Variants in CNTN5 observed in about 807,000 individuals in gnomAD.
CNTN5 encodes the protein contactin-5.
In CNTN5, 77 loss-of-function variants were observed where a neutral mutation model predicts 129.1. The ratio of observed to expected loss-of-function variants is 0.60; its 90% CI spans 0.50 to 0.72. The LOEUF is 0.72. Among genes scored for constraint, CNTN5 ranks in the 30% least tolerant of loss-of-function variants. The probability of loss-of-function intolerance (pLI) is 0.00; values close to 1 mark genes in which losing one functional copy is unlikely to be tolerated. For synonymous variants in CNTN5, 509 were observed against 465.6 expected (o/e 1.09, Z -1.20); for missense variants, 1,478 against 1,328.8 (o/e 1.11, Z -1.75).
chr11:99,490,358 A>G (rs1945988809), intron 2 of CNTN5, among the ~76,000 whole-genome samples: 2 of 152,168 alleles, frequency 1.3e-5, no homozygotes, highest in South Asian at 2.1e-4. Context: ...TAAATTCATT[A>G]TTGAGGGAGA....
intron 21 of CNTN5, among the ~76,000 whole-genome samples, chr11:100,323,636 T>TCC (rs1555069816): frequency 7.9e-6 from 1 of 126,042 alleles, no homozygotes; most frequent in African/African-American, 3.7e-5. Flanking sequence ...TATGTCCTCC[T>TCC]CCCCCCCCCT....
Position 100,357,918 on chromosome 11 carries a change from A to G in CNTN5, c.*1698A>G, listed in dbSNP as rs917198027. 5 of 151,802 alleles carry G rather than the reference A, an allele frequency of 3.3e-5. No homozygotes were observed. The highest frequency in any genetic ancestry group is 4.4e-5 in the Non-Finnish European group (3 of 67,836). 9.4% of individuals were successfully genotyped at this position (151,802 alleles called of 1,614,324 possible). A position where few individuals can be genotyped will look rare whatever the true frequency, so the allele number is the denominator to read the frequency against. ...AAACAAACAAGAAATTAGTTAAAAG[A>G]CTCACTCAATGATATTATAGTAAAT... On this transcript the variant is annotated 3_prime_UTR_variant, in exon 25 of 25. Transcript: ENST00000524871.
chr11:99,624,113 T>G lies in CNTN5; in HGVS notation c.55+67844T>G, dbSNP rs78840182. Reference sequence around the variant, plus strand: ...TTTATCAGCATGTCTCCTCATAGGCTTATTCTCATTACAATAGTTTAATGA... The same window carrying G: ...TTTATCAGCATGTCTCCTCATAGGCGTATTCTCATTACAATAGTTTAATGA... On this transcript the variant is annotated intron_variant, in intron 3 of 24. Transcript: ENST00000524871. Among the ~76,000 whole-genome samples, 442 of 152,244 alleles carry G rather than the reference T, an allele frequency of 2.9e-3. 4 individuals carry two copies. Among genetic ancestry groups the G allele is most frequent in the African/African-American group, 0.01 (419 of 41,556 alleles).
intron 13 of CNTN5, among the ~76,000 whole-genome samples, chr11:100,078,797 CGAT>C (rs1944246454): frequency 2.0e-5 from 3 of 151,874 alleles, no homozygotes; most frequent in South Asian, 2.1e-4. Context: ...ATACTGATGA[CGAT>C]GATGATGGTG....
chr11:99,215,249 T>A (rs1035988898), intron 1 of CNTN5, among the ~76,000 whole-genome samples: 2 of 152,166 alleles, frequency 1.3e-5, no homozygotes, highest in Non-Finnish European at 2.9e-5. Flanking sequence ...AATTTTAGTT[T>A]GTTCCAGTTA....
intron 2 of CNTN5, among the ~76,000 whole-genome samples, chr11:99,426,699 G>A (rs185267365): frequency 1.5e-4 from 23 of 152,206 alleles, no homozygotes; most frequent in Admixed American, 2.6e-4. Flanking sequence ...AGTCTCCTGC[G>A]TCCACGTCTT....
At chr11:99,639,880 T>C (rs1216845734) in intron 3 of CNTN5, among the ~76,000 whole-genome samples, 3 of 152,078 alleles carry the variant, frequency 2.0e-5, no homozygotes, top group Non-Finnish European at 2.9e-5. Flanking sequence ...AGCTTTTGAA[T>C]GCTTTGTTGC....
intron 13 of CNTN5, among the ~76,000 whole-genome samples, chr11:100,146,555 A>C (rs938571144): frequency 1.3e-5 from 2 of 152,120 alleles, no homozygotes; most frequent in Non-Finnish European, 2.9e-5. Flanking sequence ...CTTGGATCTC[A>C]GCTTTTTAGT....
chr11:99,954,696 A>T (rs1200787577), intron 7 of CNTN5, among the ~76,000 whole-genome samples: 1 of 152,250 alleles, frequency 6.6e-6, no homozygotes, highest in Non-Finnish European at 1.5e-5. Context: ...TATAGGAGGA[A>T]GTAAACAGGA....
chr11:100,147,433 C>G (rs1946889105), intron 13 of CNTN5, among the ~76,000 whole-genome samples: 1 of 151,966 alleles, frequency 6.6e-6, no homozygotes, highest in African/African-American at 2.4e-5. Context: ...CTCATGGTAT[C>G]TTGCCTCAGT....
At chr11:99,676,385 A>AT (rs1450423160) in intron 3 of CNTN5, among the ~76,000 whole-genome samples, 1 of 152,234 alleles carries the variant, frequency 6.6e-6, no homozygotes, top group Admixed American at 6.5e-5. Context: ...CCACCTGGTG[A>AT]TAAAAAGCTA....
intron 3 of CNTN5, among the ~76,000 whole-genome samples, chr11:99,721,736 T>G (rs1278537441): frequency 1.3e-5 from 2 of 152,212 alleles, no homozygotes; most frequent in African/African-American, 4.8e-5. Flanking sequence ...ACTATGCCTC[T>G]GACAAAGGTC....
intron 1 of CNTN5, among the ~76,000 whole-genome samples, chr11:99,171,996 A>G (rs1320213055): frequency 1.3e-5 from 2 of 152,178 alleles, no homozygotes; most frequent in African/African-American, 4.8e-5. Context: ...AAAGTGAGCA[A>G]TTTCATTTTG....
intron 3 of CNTN5, among the ~76,000 whole-genome samples, chr11:99,708,437 A>G (rs1954841335): frequency 6.6e-6 from 1 of 151,784 alleles, no homozygotes; most frequent in Non-Finnish European, 1.5e-5. Context: ...TCAATCAGTC[A>G]ACATGAAACT....
At chr11:99,818,985 A>G (rs1441354318) in intron 3 of CNTN5, among the ~76,000 whole-genome samples, 1 of 152,056 alleles carries the variant, frequency 6.6e-6, no homozygotes, top group Non-Finnish European at 1.5e-5. Context: ...TAGTTAAAAC[A>G]CATGTGCTAC....
At chr11:99,053,247 C>A (rs1431708200) in intron 1 of CNTN5, among the ~76,000 whole-genome samples, 1 of 151,860 alleles carries the variant, frequency 6.6e-6, no homozygotes, top group East Asian at 1.9e-4. Flanking sequence ...TTTTGAAGAG[C>A]CTACTCCTAA....
intron 7 of CNTN5, among the ~76,000 whole-genome samples, chr11:99,925,459 A>G (rs537983078): frequency 1.3e-5 from 2 of 152,312 alleles, no homozygotes; most frequent in South Asian, 4.1e-4. Flanking sequence ...TTCATTGTAA[A>G]CACTCTAACA....
chr11:100,297,985 T>G (rs974414926), intron 19 of CNTN5, among the ~76,000 whole-genome samples: 1 of 151,524 alleles, frequency 6.6e-6, no homozygotes, highest in Admixed American at 6.6e-5. Context: ...TTACAAAATT[T>G]GTGTCATTTT....
At chr11:100,007,183 A>T (rs1014560612) in intron 9 of CNTN5, among the ~76,000 whole-genome samples, 2 of 152,044 alleles carry the variant, frequency 1.3e-5, no homozygotes, top group African/African-American at 4.8e-5. Flanking sequence ...TTGTTGTTCC[A>T]TTTCAAGAAC....
Sources: gnomAD v4.1 joint callset for allele counts (sites outside exome capture counted in the v4.1 genomes callset) on GRCh38, gnomAD v4.1.1 for gene constraint, MANE v1.5 for transcripts, NCBI Gene and HGNC (gene_info 2026-07-23, HGNC 2026-07-21) for gene names.